LRRC37A2: variants seen among roughly 807,000 people sequenced by gnomAD.
LRRC37A2 encodes the protein leucine-rich repeat-containing protein 37A2.
A neutral mutation model predicts 68.8 loss-of-function variants in LRRC37A2; 9 were observed. The observed-to-expected ratio is 0.13, with a 90% CI of 0.08 to 0.23. The LOEUF (loss-of-function observed/expected upper bound fraction) is 0.23, where lower values mean the gene tolerates loss of function less well. LRRC37A2 is among the 10% of genes least tolerant of loss of function. LRRC37A2 has a pLI of 1.00. For missense variants in LRRC37A2, 168 were observed against 950.4 expected, an observed-to-expected ratio of 0.18 and a Z score of 10.82; for synonymous variants, 63 against 367.6, an observed-to-expected ratio of 0.17 and a Z score of 9.48.
the LRRC37A2 span, among the ~76,000 whole-genome samples, chr17:46,754,826 A>G: frequency 6.6e-6 from 1 of 152,252 alleles, no homozygotes; most frequent in African/African-American, 2.4e-5. Flanking sequence ...AGAAGAAACT[A>G]TATGACGGAT....
chr17:46,926,804 G>A, the LRRC37A2 span, among the ~76,000 whole-genome samples: 1 of 152,188 alleles, frequency 6.6e-6, no homozygotes, highest in African/African-American at 2.4e-5. Context: ...TTGGTTCAAA[G>A]CAAATAGAGA....
chr17:47,009,449 T>G, the LRRC37A2 span, among the ~76,000 whole-genome samples: 1 of 152,208 alleles, frequency 6.6e-6, no homozygotes, highest in Non-Finnish European at 1.5e-5. Flanking sequence ...ATGTTTGTCA[T>G]AGCTGGGGAG....
At chr17:46,568,926 G>C in the LRRC37A2 span, among the ~76,000 whole-genome samples, 16 of 130,698 alleles carry the variant, frequency 1.2e-4, no homozygotes, top group Non-Finnish European at 2.1e-4. Flanking sequence ...ATGTAGAAAG[G>C]ATACTTTTTT....
the LRRC37A2 span, chr17:46,773,744 G>T: frequency 1.9e-6 from 3 of 1,613,122 alleles, no homozygotes; most frequent in Non-Finnish European, 2.5e-6. Flanking sequence ...CCCGGAACTG[G>T]TGCTGGCACT....
chr17:46,927,694 G>C, the LRRC37A2 span, among the ~76,000 whole-genome samples: 6 of 152,096 alleles, frequency 3.9e-5, no homozygotes, highest in East Asian at 5.8e-4. Context: ...TTCCTCTTGG[G>C]CCAGCTGTAG....
chr17:46,805,110 G>A, the LRRC37A2 span, among the ~76,000 whole-genome samples: 1 of 152,120 alleles, frequency 6.6e-6, no homozygotes, highest in African/African-American at 2.4e-5. Context: ...CCCACTGGAA[G>A]GAACCAACTC....
At chr17:46,681,649 C>G in the LRRC37A2 span, among the ~76,000 whole-genome samples, 1 of 132,976 alleles carries the variant, frequency 7.5e-6, no homozygotes, top group Non-Finnish European at 1.6e-5. Context: ...TAAATATTCC[C>G]TTTATAGCAA....
the LRRC37A2 span, among the ~76,000 whole-genome samples, chr17:46,690,628 T>A: frequency 0.014 from 1,382 of 96,516 alleles, 22 homozygotes; most frequent in Middle Eastern, 0.042. Context: ...AAAAAAAATA[T>A]ATATATATAT....
the LRRC37A2 span, chr17:46,769,852 C>G: frequency 1.2e-6 from 2 of 1,613,492 alleles, no homozygotes; most frequent in Non-Finnish European, 1.7e-6. Flanking sequence ...CGCGCGCATC[C>G]GCGAACTCCC....
At chr17:46,867,371 T>C in the LRRC37A2 span, among the ~76,000 whole-genome samples, 2 of 152,238 alleles carry the variant, frequency 1.3e-5, no homozygotes, top group East Asian at 1.9e-4. Context: ...ACCCAGGCAG[T>C]CTGGCTCCAG....
chr17:46,932,250 G>T, the LRRC37A2 span: 2 of 1,609,024 alleles, frequency 1.2e-6, no homozygotes, highest in Non-Finnish European at 8.5e-7. Context: ...GATCGTGGGG[G>T]CTGGAGTTCA....
chr17:46,383,322 CAT>C, the LRRC37A2 span, among the ~76,000 whole-genome samples: 2 of 144,644 alleles, frequency 1.4e-5, no homozygotes, highest in Admixed American at 1.4e-4. Flanking sequence ...TTAAGCAACA[CAT>C]GAGTGTGTGT....
At chr17:46,795,840 GCT>G in the LRRC37A2 span, among the ~76,000 whole-genome samples, 4 of 152,114 alleles carry the variant, frequency 2.6e-5, no homozygotes, top group Non-Finnish European at 4.4e-5. Context: ...GTGCACTCTT[GCT>G]CTCTGTCTCT....
intron 6 of LRRC37A2, among the ~76,000 whole-genome samples, chr17:46,532,167 G>A (rs1422328019): frequency 6.7e-6 from 1 of 149,302 alleles, no homozygotes; most frequent in Non-Finnish European, 1.5e-5. Flanking sequence ...CCAAAATGCT[G>A]GGATTACAGG....
chr17:46,791,217 CTT>C, the LRRC37A2 span, among the ~76,000 whole-genome samples: 2 of 146,752 alleles, frequency 1.4e-5, no homozygotes. Flanking sequence ...TTTCCTTACT[CTT>C]TTTTTTTTTT....
chr17:46,838,410 T>C, the LRRC37A2 span, among the ~76,000 whole-genome samples: 21 of 151,852 alleles, frequency 1.4e-4, no homozygotes, highest in Non-Finnish European at 2.6e-4. Context: ...GAGGATCACC[T>C]GAACCCAGGA....
chr17:46,930,504 C>T, the LRRC37A2 span: 1 of 152,884 alleles, frequency 6.5e-6, no homozygotes, highest in African/African-American at 2.4e-5. Context: ...GGATTCTTTC[C>T]TGGGCCTTTC....
At chr17:47,044,045 CAAAAAA>C in the LRRC37A2 span, among the ~76,000 whole-genome samples, 1 of 50,042 alleles carries the variant, frequency 2.0e-5, no homozygotes, top group South Asian at 6.3e-4. Flanking sequence ...GACTCCATCT[CAAAAAA>C]AAAAAAAAAA....
At chr17:46,853,921 C>T in the LRRC37A2 span, among the ~76,000 whole-genome samples, 14,473 of 152,100 alleles carry the variant, frequency 0.095, 1,462 homozygotes, top group East Asian at 0.47. Context: ...CTCAGCAGTG[C>T]ATGGGGTTAG....
Sources: allele counts gnomAD v4.1 joint callset (sites outside exome capture counted in the v4.1 genomes callset), GRCh38; gene constraint gnomAD v4.1.1; transcripts MANE v1.5; gene names NCBI Gene and HGNC (gene_info 2026-07-23, HGNC 2026-07-21).